Variants in EEIG1 observed in about 807,000 individuals in gnomAD.
EEIG1 encodes the protein estrogen-induced osteoclastogenesis regulator 1.
At chr9:127,953,246 A>C in the EEIG1 span, 1 of 346,656 alleles carries the variant, frequency 2.9e-6, no homozygotes, top group Non-Finnish European at 5.2e-6. Flanking sequence ...TTTGTATGGT[A>C]TATTTCCTTT....
At chr9:127,945,605 G>C in the EEIG1 span, 2 of 1,562,290 alleles carry the variant, frequency 1.3e-6, no homozygotes, top group Non-Finnish European at 1.7e-6. The surrounding 1 kb of genome is among the most constrained non-coding windows in gnomAD (Gnocchi z 6.5). Context: ...GGGGGATCCC[G>C]AGGAAGGAGG....
At chr9:127,953,690 G>A in the EEIG1 span, 1 of 1,607,130 alleles carries the variant, frequency 6.2e-7, no homozygotes, top group Non-Finnish European at 8.5e-7. Flanking sequence ...CCAGATCTGA[G>A]GGGAGGAGGG....
the EEIG1 span, among the ~76,000 whole-genome samples, chr9:127,976,034 G>A: frequency 6.6e-6 from 1 of 152,146 alleles, no homozygotes; most frequent in South Asian, 2.1e-4. This position sits in a 1 kb window ranked among gnomAD's most constrained non-coding sequence, Gnocchi z 4.1. Flanking sequence ...AAGGTCCTGG[G>A]GACACTTTTC....
At chr9:127,967,570 T>C in the EEIG1 span, among the ~76,000 whole-genome samples, 1 of 152,186 alleles carries the variant, frequency 6.6e-6, no homozygotes, top group Admixed American at 6.5e-5. Context: ...TGGGCTGTGG[T>C]AGCAGCTTCC....
chr9:127,941,578 A>ACAG, the EEIG1 span: 1 of 151,538 alleles, frequency 6.6e-6, no homozygotes. Flanking sequence ...GAGTAAAACA[A>ACAG]CAACAAATGC....
chr9:127,964,978 G>A, the EEIG1 span, among the ~76,000 whole-genome samples: 3 of 151,890 alleles, frequency 2.0e-5, no homozygotes, highest in South Asian at 2.1e-4. Context: ...ATGTGGTGGC[G>A]GGCACCTGTA....
chr9:127,945,720 C>G, the EEIG1 span: 4 of 1,585,136 alleles, frequency 2.5e-6, no homozygotes, highest in East Asian at 4.6e-5. The surrounding 1 kb of genome is among the most constrained non-coding windows in gnomAD (Gnocchi z 6.5). Context: ...CTCCTCAGGG[C>G]TGGACAGGTT....
the EEIG1 span, chr9:127,953,880 G>A: frequency 1.1e-5 from 17 of 1,613,844 alleles, no homozygotes; most frequent in East Asian, 2.2e-5. Flanking sequence ...TACACACGAA[G>A]GTGAACCTCT....
the EEIG1 span, among the ~76,000 whole-genome samples, chr9:127,947,546 C>G: frequency 6.6e-6 from 1 of 152,166 alleles, no homozygotes; most frequent in Non-Finnish European, 1.5e-5. Context: ...ATTGCTATTA[C>G]CAATCCCATT....
the EEIG1 span, chr9:127,980,232 A>G: frequency 2.2e-6 from 3 of 1,372,660 alleles, no homozygotes; most frequent in Non-Finnish European, 2.0e-6. Flanking sequence ...TCAAAACACC[A>G]GAGCCGGATC....
At chr9:127,980,568 TGAGGGCG>T in the EEIG1 span, 5 of 150,614 alleles carry the variant, frequency 3.3e-5, no homozygotes, top group Admixed American at 3.3e-4. Context: ...CCGGTAAGGC[TGAGGGCG>T]GAGGGCGGCC....
chr9:127,950,655 C>A, the EEIG1 span: 1 of 1,498,428 alleles, frequency 6.7e-7, no homozygotes, highest in Admixed American at 2.0e-5. Flanking sequence ...AGCCCCTGGG[C>A]CAGCCCCACA....
the EEIG1 span, among the ~76,000 whole-genome samples, chr9:127,974,879 C>T: frequency 6.6e-6 from 1 of 152,134 alleles, no homozygotes; most frequent in Non-Finnish European, 1.5e-5. Context: ...CCAGTGTGCT[C>T]AGCCTCCAGA....
chr9:127,965,106 C>CAA, the EEIG1 span, among the ~76,000 whole-genome samples: 10 of 69,724 alleles, frequency 1.4e-4, no homozygotes, highest in Non-Finnish European at 1.8e-4. Context: ...AAGACTGTCT[C>CAA]AAAAAAAAAA....
At chr9:127,959,129 T>C in the EEIG1 span, among the ~76,000 whole-genome samples, 16 of 152,254 alleles carry the variant, frequency 1.1e-4, no homozygotes, top group South Asian at 2.1e-4. Flanking sequence ...AGTTATGATA[T>C]GACCCAGCAA....
At chr9:127,947,047 A>G in the EEIG1 span, among the ~76,000 whole-genome samples, 1 of 151,964 alleles carries the variant, frequency 6.6e-6, no homozygotes, top group Non-Finnish European at 1.5e-5. Context: ...TTGCCACACC[A>G]TCTCCTCTGG....
chr9:127,953,610 C>T, the EEIG1 span: 15 of 1,613,942 alleles, frequency 9.3e-6, no homozygotes, highest in African/African-American at 1.3e-5. Flanking sequence ...AGCTCCTGCA[C>T]AGGGAGGGAG....
the EEIG1 span, chr9:127,945,237 T>A: frequency 1.3e-6 from 1 of 778,842 alleles, no homozygotes; most frequent in Non-Finnish European, 2.0e-6. The surrounding 1 kb of genome is among the most constrained non-coding windows in gnomAD (Gnocchi z 6.5). Context: ...CATCAGCTAG[T>A]GGAATCGTCA....
the EEIG1 span, chr9:127,953,769 C>A: frequency 1.2e-6 from 2 of 1,613,938 alleles, no homozygotes; most frequent in Non-Finnish European, 1.7e-6. Flanking sequence ...GGCCTATAGC[C>A]CAGCCCAGCA....
Sources: gnomAD v4.1 joint callset for allele counts (sites outside exome capture counted in the v4.1 genomes callset) on GRCh38, gnomAD v4.1.1 for gene constraint, Gnocchi (gnomAD v3.1) non-coding constraint, MANE v1.5 for transcripts, NCBI Gene and HGNC (gene_info 2026-07-23, HGNC 2026-07-21) for gene names.